KCNK2: variants seen among roughly 807,000 people sequenced by gnomAD.
The protein encoded by KCNK2 is potassium channel subfamily K member 2.
A neutral mutation model predicts 40.5 loss-of-function variants in KCNK2; 21 were observed. The ratio of observed to expected loss-of-function variants is 0.52; its 90% confidence interval spans 0.37 to 0.75. KCNK2 has a LOEUF of 0.75. KCNK2 is among the 30% of genes least tolerant of loss of function. The pLI is 0.00. For synonymous variants in KCNK2, 191 were observed against 202.2 expected, an observed-to-expected ratio of 0.94 and a Z score of 0.47; for missense variants, 399 against 531.6, an observed-to-expected ratio of 0.75 and a Z score of 2.45.
intron 2 of KCNK2, among the ~76,000 whole-genome samples, chr1:215,109,023 T>C (rs534529248): frequency 6.6e-6 from 1 of 152,124 alleles, no homozygotes; most frequent in Non-Finnish European, 1.5e-5. Flanking sequence ...ATATATATCA[T>C]TCATTCATAT....
At chr1:215,006,490 A>G (rs1656132739) in intron 1 of KCNK2, among the ~76,000 whole-genome samples, 1 of 152,170 alleles carries the variant, frequency 6.6e-6, no homozygotes, top group Admixed American at 6.6e-5. Context: ...GAGAACTAAG[A>G]CCTAAGTTCT....
At chr1:215,173,028 G>A (rs1417387110) in intron 5 of KCNK2, among the ~76,000 whole-genome samples, 2 of 152,034 alleles carry the variant, frequency 1.3e-5, no homozygotes, top group East Asian at 3.9e-4. Flanking sequence ...TGCACAACGT[G>A]CAGGTTTGTT....
In KCNK2 at chr1:215,209,326, AT is replaced by A. The variant is rs1445870642; in HGVS notation, c.963+14239del. Among the ~76,000 whole-genome samples the A allele has an allele frequency of 1.5e-3, 37 of 25,168 alleles. No individual in the cohort carries two copies. In the South Asian group the frequency reaches 0.016, roughly 11 times the overall value. The allele number at this position is 25,168 out of a possible 152,430, so 16.5% of individuals were successfully genotyped here. On this transcript the variant is annotated intron_variant, in intron 6 of 6. Coordinates refer to ENST00000444842, the MANE Select transcript of KCNK2 (RefSeq NM_001017425.3). ...TATTATATATATGAAATATACACAT[AT>A]TTTTATATATATAATATATATATTA...
chr1:215,014,677 C>T (rs1178963348), intron 1 of KCNK2, among the ~76,000 whole-genome samples: 1 of 152,022 alleles, frequency 6.6e-6, no homozygotes, highest in Non-Finnish European at 1.5e-5. Context: ...AAACCACATC[C>T]AGCCAGGAAG....
chr1:215,038,839 T>C (rs2102491040), intron 1 of KCNK2, among the ~76,000 whole-genome samples: 1 of 152,254 alleles, frequency 6.6e-6, no homozygotes, highest in East Asian at 1.9e-4. Context: ...GCCACTTTAT[T>C]TCTTCTATTT....
chr1:215,012,271 G>A (rs939345974), intron 1 of KCNK2, among the ~76,000 whole-genome samples: 3 of 152,056 alleles, frequency 2.0e-5, no homozygotes, highest in Non-Finnish European at 4.4e-5. Context: ...CCACCAGCCG[G>A]GTACGAGGGT....
chr1:215,040,997 A>G (rs1352910682), intron 1 of KCNK2, among the ~76,000 whole-genome samples: 1 of 152,152 alleles, frequency 6.6e-6, no homozygotes, highest in Non-Finnish European at 1.5e-5. Flanking sequence ...CTCAGACTCA[A>G]GGCTTCACTT....
chr1:215,226,292 CTTTT>C (rs1277845332), intron 6 of KCNK2, among the ~76,000 whole-genome samples: 2 of 152,000 alleles, frequency 1.3e-5, no homozygotes, highest in Admixed American at 6.6e-5. Flanking sequence ...GTTAACATAT[CTTTT>C]TTGTTTGTTT....
chr1:215,055,497 A>G (rs189558415), intron 1 of KCNK2, among the ~76,000 whole-genome samples: 236 of 152,316 alleles, frequency 1.5e-3, no homozygotes, highest in Middle Eastern at 3.4e-3. Flanking sequence ...GTAGGTAACA[A>G]AGGAAAGGAA....
chr1:215,209,977 A>G (rs1571734882), intron 6 of KCNK2, among the ~76,000 whole-genome samples: 1 of 3,732 alleles, frequency 2.7e-4, no homozygotes, highest in South Asian at 4.1e-3. Flanking sequence ...TATATTATAT[A>G]TATTATATAT....
intron 5 of KCNK2, among the ~76,000 whole-genome samples, chr1:215,182,204 T>A (rs925134338): frequency 6.6e-6 from 1 of 152,108 alleles, no homozygotes; most frequent in Admixed American, 6.5e-5. Context: ...GAGATCTGCC[T>A]GGGTGTGGAG....
intron 1 of KCNK2, among the ~76,000 whole-genome samples, chr1:215,007,037 A>ATATATATATG (rs1330420661): frequency 2.9e-4 from 15 of 51,602 alleles, no homozygotes; most frequent in African/African-American, 6.8e-4. Context: ...ATATATATAT[A>ATATATATATG]TGTGTGTGTG....
At chr1:215,016,695 G>A (rs946283408) in intron 1 of KCNK2, among the ~76,000 whole-genome samples, 4 of 152,100 alleles carry the variant, frequency 2.6e-5, no homozygotes, top group Non-Finnish European at 5.9e-5. Flanking sequence ...TCTGGACAAT[G>A]TTTTGTATAT....
chr1:215,162,232 G>A (rs1418434453), intron 3 of KCNK2, among the ~76,000 whole-genome samples: 1 of 152,168 alleles, frequency 6.6e-6, no homozygotes, highest in East Asian at 1.9e-4. Flanking sequence ...CTTTTGAGAA[G>A]TGTATGTTCA....
rs373731971 is a variant in KCNK2, at chr1:215,118,011, T to C, written c.358-6622T>C. ...TAACATTCCAGATATATATGTCCAG[T>C]AAATTTTAAAAATACTTAGAAAATG... On this transcript the variant is annotated intron_variant, in intron 2 of 6. Transcript: ENST00000444842. Among the ~76,000 whole-genome samples, 34 of 152,250 alleles carry C rather than the reference T, an allele frequency of 2.2e-4. No individual in the cohort carries two copies. The East Asian group carries it at 5.6e-3, about 25-fold the overall frequency.
intron 6 of KCNK2, among the ~76,000 whole-genome samples, chr1:215,201,060 A>T (rs1238870645): frequency 6.6e-6 from 1 of 152,204 alleles, no homozygotes; most frequent in Non-Finnish European, 1.5e-5. Flanking sequence ...GAAGATTCGT[A>T]AAGTTAGTCA....
chr1:215,189,748 C>A (rs1281199118), intron 5 of KCNK2, among the ~76,000 whole-genome samples: 2 of 152,090 alleles, frequency 1.3e-5, no homozygotes, highest in East Asian at 3.9e-4. Flanking sequence ...AAAAGGGGTT[C>A]TCAGTCCTTG....
At chr1:215,166,180 A>G (rs970513777) in intron 3 of KCNK2, among the ~76,000 whole-genome samples, 2 of 152,122 alleles carry the variant, frequency 1.3e-5, no homozygotes, top group African/African-American at 4.8e-5. Flanking sequence ...AAAAATAATT[A>G]TTGAAAATTT....
At chr1:215,227,296 C>G (rs1571752949) in intron 6 of KCNK2, among the ~76,000 whole-genome samples, 1 of 152,070 alleles carries the variant, frequency 6.6e-6, no homozygotes, top group African/African-American at 2.4e-5. Context: ...CTAATGTATT[C>G]TAGAGGATTG....
Sources: gnomAD v4.1 joint callset for allele counts (sites outside exome capture counted in the v4.1 genomes callset) on GRCh38, gnomAD v4.1.1 for gene constraint, MANE v1.5 for transcripts, NCBI Gene and HGNC (gene_info 2026-07-23, HGNC 2026-07-21) for gene names.